The following NALF1 variants were observed in gnomAD, a reference collection of about 807,000 sequenced individuals.
NALF1 encodes the protein family with sequence similarity 155 member A.
Under a neutral mutation model 48.4 loss-of-function variants are expected in NALF1, and 3 were observed. The observed-to-expected ratio is 0.06, with a 90% CI of 0.03 to 0.16. The LOEUF is 0.16. Among genes scored for constraint, NALF1 ranks in the 10% least tolerant of loss-of-function variants. The probability of loss-of-function intolerance (pLI) is 1.00; values close to 1 mark genes in which losing one functional copy is unlikely to be tolerated. For synonymous variants in NALF1, 262 were observed against 245.7 expected, an observed-to-expected ratio of 1.07 and a Z score of -0.62; for missense variants, 526 against 571.5, an observed-to-expected ratio of 0.92 and a Z score of 0.81.
intron 1 of NALF1, among the ~76,000 whole-genome samples, chr13:107,855,851 A>T (rs1029434585): frequency 6.6e-6 from 1 of 152,232 alleles, no homozygotes; most frequent in Non-Finnish European, 1.5e-5. Context: ...TAATATATGG[A>T]TGATAACATT....
chr13:107,421,637 A>G (rs1488294509), intron 1 of NALF1, among the ~76,000 whole-genome samples: 1 of 152,106 alleles, frequency 6.6e-6, no homozygotes, highest in Non-Finnish European at 1.5e-5. Context: ...ACGAGAGGGT[A>G]GTTATGCTCT....
intron 1 of NALF1, among the ~76,000 whole-genome samples, chr13:107,759,111 T>A (rs1877195695): frequency 6.6e-6 from 1 of 152,158 alleles, no homozygotes; most frequent in African/African-American, 2.4e-5. Context: ...TAAGAAGAAA[T>A]GGCAAACAGC....
At chr13:107,707,936 T>C (rs945034810) in intron 1 of NALF1, among the ~76,000 whole-genome samples, 6 of 152,198 alleles carry the variant, frequency 3.9e-5, no homozygotes, top group East Asian at 3.9e-4. Context: ...CAGTGATCTC[T>C]GGTTTTTTAA....
intron 1 of NALF1, among the ~76,000 whole-genome samples, chr13:107,348,489 A>C (rs1395537944): frequency 1.3e-5 from 2 of 152,158 alleles, no homozygotes; most frequent in Non-Finnish European, 2.9e-5. Context: ...GGTTTGTTAC[A>C]TAGGTATACA....
chr13:107,644,881 G>A (rs1478153492), intron 1 of NALF1, among the ~76,000 whole-genome samples: 7 of 151,576 alleles, frequency 4.6e-5, no homozygotes, highest in South Asian at 2.1e-4. Context: ...AATCACTGCC[G>A]TAGATGTGTT....
rs539661438 is a variant in NALF1, at chr13:107,370,977, G to A, written c.916-160222C>T. 6.6e-5 allele frequency among the ~76,000 whole-genome samples: 10 copies of A among 152,164 alleles called. No homozygotes were observed. In the Middle Eastern group the frequency reaches 0.014, roughly 207 times the overall value. On this transcript the variant is annotated intron_variant, in intron 1 of 2. Transcript: ENST00000375915. ...TCCCATGGTTTAATTACCTTCCACC[G>A]CATCCCTCCCACAATGCATGAGGAT...
intron 1 of NALF1, among the ~76,000 whole-genome samples, chr13:107,820,395 A>G (rs1200150919): frequency 6.6e-6 from 1 of 152,210 alleles, no homozygotes; most frequent in Non-Finnish European, 1.5e-5. Context: ...TTAAAATTGA[A>G]TGCACACACA....
intron 1 of NALF1, among the ~76,000 whole-genome samples, chr13:107,284,574 G>A (rs1369512327): frequency 1.3e-5 from 1 of 75,136 alleles, no homozygotes; most frequent in Non-Finnish European, 4.2e-5. Context: ...ACTGTGTCCC[G>A]CCCTCCCCCT....
chr13:107,851,848 A>C (rs1323839289), intron 1 of NALF1, among the ~76,000 whole-genome samples: 1 of 115,932 alleles, frequency 8.6e-6, no homozygotes, highest in Admixed American at 1.2e-4. Flanking sequence ...TTGCTCTGTC[A>C]TGCAGGCTTG....
chr13:107,504,754 C>T (rs117308533), intron 1 of NALF1, among the ~76,000 whole-genome samples: 346 of 152,294 alleles, frequency 2.3e-3, no homozygotes, highest in Non-Finnish European at 3.4e-3. Context: ...TATTCTGTCT[C>T]CAGTTGCCAT....
intron 1 of NALF1, among the ~76,000 whole-genome samples, chr13:107,414,283 T>A (rs1014366240): frequency 6.6e-6 from 1 of 151,764 alleles, no homozygotes; most frequent in Non-Finnish European, 1.5e-5. Flanking sequence ...TGGTAAAACA[T>A]CTGAAGTAAT....
At chr13:107,187,492 C>T (rs1054411026) in intron 2 of NALF1, among the ~76,000 whole-genome samples, 1 of 152,156 alleles carries the variant, frequency 6.6e-6, no homozygotes, top group Admixed American at 6.5e-5. Context: ...AGGCCCATTG[C>T]AGCAACCTTC....
chr13:107,259,023 T>C (rs564369935), intron 1 of NALF1, among the ~76,000 whole-genome samples: 4 of 152,122 alleles, frequency 2.6e-5, no homozygotes, highest in Non-Finnish European at 4.4e-5. Context: ...ATATGACTCA[T>C]TGATTGTCAC....
chr13:107,445,677 C>A (rs1884637646), intron 1 of NALF1, among the ~76,000 whole-genome samples: 1 of 152,108 alleles, frequency 6.6e-6, no homozygotes, highest in Non-Finnish European at 1.5e-5. Flanking sequence ...GCATTCCTAC[C>A]AGCAATATGT....
intron 1 of NALF1, among the ~76,000 whole-genome samples, chr13:107,361,155 A>G (rs1348799568): frequency 6.6e-6 from 1 of 152,228 alleles, no homozygotes; most frequent in East Asian, 1.9e-4. Context: ...CTAGCACTCT[A>G]TTACCATAAA....
At chr13:107,187,829 C>T (rs971745851) in intron 2 of NALF1, among the ~76,000 whole-genome samples, 2 of 152,170 alleles carry the variant, frequency 1.3e-5, no homozygotes, top group Non-Finnish European at 2.9e-5. Flanking sequence ...ACTCTGGCCT[C>T]TGTCTTTTCT....
chr13:107,864,076 A>G (rs1278786143), intron 1 of NALF1, among the ~76,000 whole-genome samples: 1 of 152,224 alleles, frequency 6.6e-6, no homozygotes, highest in Admixed American at 6.5e-5. Context: ...TACAATTTCA[A>G]TGCAACATAT....
intron 1 of NALF1, among the ~76,000 whole-genome samples, chr13:107,504,875 T>G (rs1041234248): frequency 5.3e-5 from 8 of 152,220 alleles, no homozygotes; most frequent in African/African-American, 1.9e-4. Context: ...CAGACACGTC[T>G]GTCTACTCAA....
At chr13:107,612,538 C>G (rs1879260888) in intron 1 of NALF1, among the ~76,000 whole-genome samples, 1 of 152,088 alleles carries the variant, frequency 6.6e-6, no homozygotes. Flanking sequence ...ATGAGTAGAA[C>G]AGCTGGCCCT....
Sources: gnomAD v4.1 joint callset for allele counts (sites outside exome capture counted in the v4.1 genomes callset) on GRCh38, gnomAD v4.1.1 for gene constraint, MANE v1.5 for transcripts, NCBI Gene and HGNC (gene_info 2026-07-23, HGNC 2026-07-21) for gene names.